The following PCDHA12 variants were observed in gnomAD, a reference collection of about 807,000 sequenced individuals.
PCDHA12 encodes the protein protocadherin alpha 12.
PCDHA12 carries 44 observed loss-of-function variants against 60.0 expected under a neutral mutation model. The ratio of observed to expected loss-of-function variants is 0.73; its 90% CI spans 0.58 to 0.94. The LOEUF is 0.94. Ranked by LOEUF, PCDHA12 falls within the 40% of genes least tolerant of loss-of-function variation. PCDHA12 has a pLI of 0.00. For synonymous variants in PCDHA12, 569 were observed against 553.0 expected, an observed-to-expected ratio of 1.03 and a Z score of -0.40; for missense variants, 1,276 against 1,239.7, an observed-to-expected ratio of 1.03 and a Z score of -0.44.
Position 140,875,906 on chromosome 5 carries a change from C to T in PCDHA12, c.434C>T (p.Ser145Phe). ...GAACAAAAGGTACCTGTTTCTGAAT[C>T]TGCGCCTCTGGACTCTCATTTTCCT... The part of the protein sequence containing the change: ...EREQKVPVSE[S>F]APLDSHFPLE... The change falls in exon 1 of 4, where the codon TCT becomes TTT. Residue 145 changes from serine (S) to phenylalanine (F), a missense_variant. Coordinates refer to ENST00000398631, the MANE Select transcript of PCDHA12 (RefSeq NM_018903.4). 1 of 1,614,204 alleles carries T rather than the reference C, an allele frequency of 6.2e-7. No homozygotes were observed. The highest frequency in any genetic ancestry group is 2.2e-5 in the East Asian group (1 of 44,892).
chr5:140,907,554 A>G (rs1554193052), intron 1 of PCDHA12, among the ~76,000 whole-genome samples: 2 of 152,224 alleles, frequency 1.3e-5, no homozygotes, highest in African/African-American at 2.4e-5. Context: ...AAGAGGTCCA[A>G]TATAATCAAC....
intron 3 of PCDHA12, among the ~76,000 whole-genome samples, chr5:141,007,792 C>A (rs2098346636): frequency 6.6e-6 from 1 of 152,166 alleles, no homozygotes. Flanking sequence ...TACAAATTAG[C>A]CTTTATCTGC....
chr5:140,984,243 C>T (rs781830326), intron 3 of PCDHA12, among the ~76,000 whole-genome samples: 2 of 152,246 alleles, frequency 1.3e-5, no homozygotes, highest in Non-Finnish European at 2.9e-5. Context: ...CATTGTAGGT[C>T]GACCTGGTAA....
Position 141,000,395 on chromosome 5 carries a change from C to CTA in PCDHA12, c.2516-9206_2516-9205dup, listed in dbSNP as rs1190667031. 1.6e-3 allele frequency among the ~76,000 whole-genome samples: 89 copies of CTA among 53,960 alleles called. 3 individuals carry two copies. Among genetic ancestry groups the CTA allele is most frequent in the Non-Finnish European group, 2.3e-3 (71 of 31,108 alleles). 35.4% of individuals were successfully genotyped at this position (53,960 alleles called of 152,430 possible). A position where few individuals can be genotyped will look rare whatever the true frequency, so the allele number is the denominator to read the frequency against. ...TCTCTCTCTCTCTCTCTCTCTCTCT[C>CTA]TATATATATATATATATATATATAT... On this transcript the variant is annotated intron_variant, in intron 3 of 3. Coordinates refer to ENST00000398631, the MANE Select transcript of PCDHA12 (RefSeq NM_018903.4).
chr5:140,897,701 C>T (rs1161358145), intron 1 of PCDHA12, among the ~76,000 whole-genome samples: 58 of 152,238 alleles, frequency 3.8e-4, no homozygotes, highest in Non-Finnish European at 7.4e-4. Flanking sequence ...TGGGCATATA[C>T]CCAGTAATGG....
chr5:140,968,118 C>T (rs141928119), intron 1 of PCDHA12: 717 of 1,614,170 alleles, frequency 4.4e-4, no homozygotes, highest in Middle Eastern at 2.3e-3. Context: ...CAGCTCACAT[C>T]CCTGCGTACA....
chr5:140,884,383 C>T lies in PCDHA12; in HGVS notation c.2367+6544C>T, dbSNP rs185410866. The T allele has an allele frequency of 5.2e-5, 84 of 1,613,994 alleles. No homozygotes were observed. In the Admixed American group the frequency reaches 1.4e-3, roughly 27 times the overall value. ...ATGTTTACTTGATCATTGCCATCTG[C>T]GCGGTGTCCAGCCTGTTGGTGCTCA... On this transcript the variant is annotated intron_variant, in intron 1 of 3. Transcript: ENST00000398631.
At chr5:140,990,272 C>T (rs568200508) in intron 3 of PCDHA12, among the ~76,000 whole-genome samples, 12 of 152,196 alleles carry the variant, frequency 7.9e-5, no homozygotes, top group African/African-American at 1.4e-4. Flanking sequence ...CAATGTACCC[C>T]GGGTCTTGAG....
rs377373799 is a variant in PCDHA12, at chr5:141,009,886, C to G, written c.2775C>G (p.Thr925=). 3.3e-5 allele frequency: 54 copies of G among 1,612,722 alleles called. No individual in the cohort carries two copies. The highest frequency in any genetic ancestry group is 4.6e-5 in the Non-Finnish European group (54 of 1,179,784). The stretch of plus-strand genomic sequence containing the variant: ...AGAAAAAGAAGAAGGGTAACAAGAC[C>G]CAGGAGAAAAAAGAGAAAGGGAACA... ...KKKKKKKGNK[T]QEKKEKGNST... Residue 925 remains threonine (T), a synonymous_variant, in exon 4 of 4, where the codon ACC becomes ACG. Transcript: ENST00000398631.
At chr5:140,898,059 G>C (rs372963837) in intron 1 of PCDHA12, among the ~76,000 whole-genome samples, 2 of 151,948 alleles carry the variant, frequency 1.3e-5, no homozygotes, top group Non-Finnish European at 1.5e-5. Flanking sequence ...TTGTAAATTT[G>C]TTTGAGTTCA....
intron 3 of PCDHA12, among the ~76,000 whole-genome samples, chr5:140,992,959 T>A (rs1262703040): frequency 6.6e-6 from 1 of 152,206 alleles, no homozygotes; most frequent in Non-Finnish European, 1.5e-5. Context: ...TCACCCCTTA[T>A]ACTGCTGACA....
chr5:140,936,003 C>T (rs1362734996), intron 1 of PCDHA12, among the ~76,000 whole-genome samples: 22 of 151,556 alleles, frequency 1.5e-4, no homozygotes, highest in Non-Finnish European at 1.5e-4. Context: ...AGCGATTCTC[C>T]CACCTCAGCC....
intron 3 of PCDHA12, among the ~76,000 whole-genome samples, chr5:141,000,477 G>C (rs1191359491): frequency 1.5e-5 from 2 of 132,058 alleles, no homozygotes; most frequent in African/African-American, 5.8e-5. Context: ...GCCCAAGCTG[G>C]AGTGCAATGG....
chr5:140,890,990 A>T (rs782516672), intron 1 of PCDHA12, among the ~76,000 whole-genome samples: 1 of 152,142 alleles, frequency 6.6e-6, no homozygotes, highest in African/African-American at 2.4e-5. Flanking sequence ...TCTTTATTTC[A>T]TCATAATTAT....
At chr5:140,953,928 C>T (rs246028) in intron 1 of PCDHA12, among the ~76,000 whole-genome samples, 85,608 of 151,876 alleles carry the variant, frequency 0.56, 24,758 homozygotes, top group African/African-American at 0.69. Flanking sequence ...CTTCCTGATG[C>T]TCTCCCTCCC....
At chr5:140,985,227 G>A (rs557750656) in intron 3 of PCDHA12, among the ~76,000 whole-genome samples, 5 of 152,206 alleles carry the variant, frequency 3.3e-5, no homozygotes, top group Non-Finnish European at 2.9e-5. Flanking sequence ...GTGAGCCACC[G>A]CGCCTGGCCT....
intron 1 of PCDHA12, among the ~76,000 whole-genome samples, chr5:140,938,765 A>G (rs1554212377): frequency 6.6e-6 from 1 of 152,182 alleles, no homozygotes; most frequent in Non-Finnish European, 1.5e-5. Context: ...GTTATTGGGT[A>G]CTAGACTTAG....
At chr5:140,924,898 AAAAAAAAT>A (rs781900915) in intron 1 of PCDHA12, among the ~76,000 whole-genome samples, 16 of 53,028 alleles carry the variant, frequency 3.0e-4, no homozygotes, top group Non-Finnish European at 6.0e-4. Context: ...CTGTCTCAAA[AAAAAAAAT>A]AAAATAAAAT....
chr5:140,875,439 G>C lies in PCDHA12; in HGVS notation c.-34G>C, dbSNP rs375983329. The C allele has an allele frequency of 3.8e-6, 6 of 1,569,382 alleles. No homozygotes were observed. The highest frequency in any genetic ancestry group is 2.3e-5 in the East Asian group (1 of 44,390). On this transcript the variant is annotated 5_prime_UTR_variant, in exon 1 of 4. Coordinates refer to ENST00000398631, the MANE Select transcript of PCDHA12 (RefSeq NM_018903.4). ...CTCAGGCAAGCGATCCCTTAAAACT[G>C]ATTGTCCCAACTCAGAGGCCCTCAT...
Sources: allele counts gnomAD v4.1 joint callset (sites outside exome capture counted in the v4.1 genomes callset), GRCh38; gene constraint gnomAD v4.1.1; transcripts MANE v1.5; gene names NCBI Gene and HGNC (gene_info 2026-07-23, HGNC 2026-07-21).